OCA2: variants seen among roughly 807,000 people sequenced by gnomAD.
The protein encoded by OCA2 is OCA2 melanosomal transmembrane protein, also known as P protein.
OCA2 carries 77 observed loss-of-function variants against 100.2 expected under a neutral mutation model. That is an observed-to-expected ratio of 0.77 (90% confidence interval 0.64 to 0.93). The LOEUF is 0.93. Ranked by LOEUF, OCA2 falls within the 40% of genes least tolerant of loss-of-function variation. The probability of loss-of-function intolerance (pLI) is 0.00; values close to 1 mark genes in which losing one functional copy is unlikely to be tolerated. For synonymous variants in OCA2, 432 were observed against 439.2 expected, an observed-to-expected ratio of 0.98 and a Z score of 0.21; for missense variants, 1,062 against 1,089.1, an observed-to-expected ratio of 0.98 and a Z score of 0.35.
chr15:27,896,454 A>C, intron 19 of OCA2: 1 of 630,254 alleles, frequency 1.6e-6, no homozygotes, highest in South Asian at 1.7e-5. Context: ...CATCTAGGAG[A>C]AGAAGCCCAA....
At chr15:27,844,498 T>C (rs1449585545) in intron 23 of OCA2, among the ~76,000 whole-genome samples, 1 of 152,226 alleles carries the variant, frequency 6.6e-6, no homozygotes, top group African/African-American at 2.4e-5. Context: ...CTCTGTGTTA[T>C]GGAGCTAATC....
chr15:27,923,472 C>T (rs916124627), intron 19 of OCA2, among the ~76,000 whole-genome samples: 1 of 152,196 alleles, frequency 6.6e-6, no homozygotes, highest in African/African-American at 2.4e-5. Flanking sequence ...AATTTACACT[C>T]CTGCCAGCAG....
intron 19 of OCA2, among the ~76,000 whole-genome samples, chr15:27,909,588 A>G (rs560549421): frequency 1.3e-5 from 2 of 152,344 alleles, no homozygotes; most frequent in South Asian, 2.1e-4. Context: ...GTTCAGAAAT[A>G]GGACCAAGGA....
chr15:27,755,346 G>C lies in OCA2; in HGVS notation c.*42C>G, dbSNP rs756692515. The C allele has an allele frequency of 1.4e-6, 2 of 1,451,402 alleles. No homozygotes were observed. The highest frequency in any genetic ancestry group is 2.3e-5 in the South Asian group (2 of 87,736). The allele number at this position is 1,451,402 out of a possible 1,614,324, so 89.9% of individuals were successfully genotyped here. A position where few individuals can be genotyped will look rare whatever the true frequency, so the allele number is the denominator to read the frequency against. On this transcript the variant is annotated 3_prime_UTR_variant, in exon 24 of 24. Coordinates refer to ENST00000354638, the MANE Select transcript of OCA2 (RefSeq NM_000275.3). ...GTTTTATGACTAATGGGTTGTGATGGATGAAGTTTCCTTTAGTCTTCGAGC... is the reference window on the plus strand; with the variant it reads ...GTTTTATGACTAATGGGTTGTGATGCATGAAGTTTCCTTTAGTCTTCGAGC...
At chr15:27,981,188 G>A (rs2041149049) in intron 14 of OCA2, among the ~76,000 whole-genome samples, 1 of 152,204 alleles carries the variant, frequency 6.6e-6, no homozygotes, top group Admixed American at 6.5e-5. Context: ...GATGTTTGAT[G>A]TGGGGCTTTT....
At chr15:28,010,876 G>T (rs2042220726) in intron 9 of OCA2, among the ~76,000 whole-genome samples, 1 of 152,120 alleles carries the variant, frequency 6.6e-6, no homozygotes, top group African/African-American at 2.4e-5. Context: ...AGAATAGCCA[G>T]AACAATTTTG....
At chr15:27,836,288 C>T (rs1461905509) in intron 23 of OCA2, among the ~76,000 whole-genome samples, 2 of 152,210 alleles carry the variant, frequency 1.3e-5, no homozygotes, top group African/African-American at 4.8e-5. Flanking sequence ...TTAAGTTTTC[C>T]TTCAGACACG....
intron 23 of OCA2, among the ~76,000 whole-genome samples, chr15:27,758,217 A>G (rs866468468): frequency 1.2e-4 from 19 of 152,178 alleles, no homozygotes; most frequent in Admixed American, 2.0e-4. Context: ...CTGATACGTC[A>G]GTGGGTACTA....
intron 23 of OCA2, among the ~76,000 whole-genome samples, chr15:27,824,683 T>A (rs1566994930): frequency 6.7e-6 from 1 of 149,070 alleles, no homozygotes; most frequent in Non-Finnish European, 1.5e-5. Flanking sequence ...GACCAGCCTG[T>A]CTAAGGCCAC....
chr15:28,061,751 T>C (rs1595894653), intron 2 of OCA2, among the ~76,000 whole-genome samples: 1 of 152,238 alleles, frequency 6.6e-6, no homozygotes, highest in South Asian at 2.1e-4. Flanking sequence ...ACTCAGTTTA[T>C]GGCATTTTGT....
intron 2 of OCA2, among the ~76,000 whole-genome samples, chr15:28,078,825 C>T (rs1287908647): frequency 6.6e-6 from 1 of 152,242 alleles, no homozygotes; most frequent in African/African-American, 2.4e-5. Flanking sequence ...ATCCTGAATT[C>T]ACTCTTCCTT....
chr15:28,051,428 G>A (rs374249224), intron 2 of OCA2, among the ~76,000 whole-genome samples: 1 of 152,100 alleles, frequency 6.6e-6, no homozygotes, highest in Non-Finnish European at 1.5e-5. Context: ...GAGTAGCTAG[G>A]ATTACAAGCA....
chr15:27,871,812 A>G (rs1341910914), intron 20 of OCA2, 51 bp downstream of exon 20: 1 of 1,287,586 alleles, frequency 7.8e-7, no homozygotes. Flanking sequence ...TTTTTTTCAC[A>G]AAATCAAAGA....
At chr15:28,059,704 A>G (rs566739438) in intron 2 of OCA2, among the ~76,000 whole-genome samples, 27 of 150,218 alleles carry the variant, frequency 1.8e-4, no homozygotes, top group Admixed American at 4.6e-4. Context: ...TTTCCATTTT[A>G]TTGACCCAAA....
chr15:27,846,379 A>G (rs1167271087), intron 22 of OCA2, among the ~76,000 whole-genome samples: 1 of 152,156 alleles, frequency 6.6e-6, no homozygotes, highest in African/African-American at 2.4e-5. Context: ...CTCAGCCCCA[A>G]GAATGCACCT....
chr15:27,882,481 G>T (rs1170164150), intron 19 of OCA2, among the ~76,000 whole-genome samples: 1 of 152,034 alleles, frequency 6.6e-6, no homozygotes, highest in African/African-American at 2.4e-5. Context: ...TTACCTCATT[G>T]ATCATAGTTA....
At chr15:27,874,431 C>A (rs2036706397) in intron 19 of OCA2, among the ~76,000 whole-genome samples, 1 of 152,202 alleles carries the variant, frequency 6.6e-6, no homozygotes, top group African/African-American at 2.4e-5. Context: ...CCAGAAGAAG[C>A]AGACACAGCA....
intron 9 of OCA2, 147 bp downstream of exon 9, chr15:28,014,629 G>T: frequency 1.1e-6 from 1 of 877,298 alleles, no homozygotes; most frequent in Non-Finnish European, 1.8e-6. Context: ...TCTACCTAGA[G>T]AGAGGGACAC....
chr15:28,024,856 C>A lies in OCA2; in HGVS notation c.562G>T (p.Val188Leu), dbSNP rs2141319174. Reference protein sequence around the residue: ...LKVMGLFAFVVLCSILFSLYP... With the variant: ...LKVMGLFAFVLLCSILFSLYP... ...GCTAAGGTACTCACAGAACACAGCA[C>A]CACAAAGGCAAACAGGCCCATGACT... The change falls in exon 5 of 24, where the codon GTG becomes TTG. Residue 188 changes from valine to leucine, a missense_variant. Coordinates refer to ENST00000354638, the MANE Select transcript of OCA2 (RefSeq NM_000275.3). The A allele has an allele frequency of 6.2e-7, 1 of 1,614,216 alleles. No homozygotes were observed. The highest frequency in any genetic ancestry group is 1.1e-5 in the South Asian group (1 of 91,088).
Sources: gnomAD v4.1 joint callset for allele counts (sites outside exome capture counted in the v4.1 genomes callset) on GRCh38, gnomAD v4.1.1 for gene constraint, MANE v1.5 for transcripts, NCBI Gene and HGNC (gene_info 2026-07-23, HGNC 2026-07-21) for gene names.